The following RYR2 variants were observed in gnomAD, a reference collection of about 807,000 sequenced individuals.
RYR2 encodes ryanodine receptor 2, also known as cardiac muscle ryanodine receptor-calcium release channel.
RYR2 carries 227 observed loss-of-function variants against 601.1 expected under a neutral mutation model. The observed-to-expected ratio is 0.38, with a 90% CI of 0.34 to 0.42. RYR2 has a LOEUF of 0.42. RYR2 is among the 10% of genes least tolerant of loss of function. The probability of loss-of-function intolerance (pLI) is 1.00; values close to 1 mark genes in which losing one functional copy is unlikely to be tolerated. For missense variants in RYR2, 4,646 were observed against 6,156.5 expected, an observed-to-expected ratio of 0.75 and a Z score of 8.21; for synonymous variants, 2,223 against 2,175.1, an observed-to-expected ratio of 1.02 and a Z score of -0.61.
At chr1:237,061,295 CT>C (rs1234726339) in intron 1 of RYR2, among the ~76,000 whole-genome samples, 1,522 of 148,812 alleles carry the variant, frequency 0.01, 17 homozygotes, top group South Asian at 0.045. Flanking sequence ...ATCTATCTAT[CT>C]ATCTATCTAT....
In RYR2 at chr1:237,614,888, A is replaced by G. The variant is rs1240590868; in HGVS notation, c.5715+45A>G. The G allele has an allele frequency of 6.6e-7, 1 of 1,510,246 alleles. No individual in the cohort carries two copies. The highest frequency in any genetic ancestry group is 8.9e-7 in the Non-Finnish European group (1 of 1,128,052). The allele number at this position is 1,510,246 out of a possible 1,614,324, so 93.6% of individuals were successfully genotyped here. On this transcript the variant is annotated intron_variant, in intron 37 of 104. Coordinates refer to ENST00000366574, the MANE Select transcript of RYR2 (RefSeq NM_001035.3). The surrounding 1 kb of genome is among the most constrained non-coding windows in gnomAD (Gnocchi z 4.3). Reference sequence around the variant, plus strand: ...TGAGTGAATTTCAGAATTGCTAAGCATTAAGGTATTAGAACATGCCTTTGT... The same window carrying G: ...TGAGTGAATTTCAGAATTGCTAAGCGTTAAGGTATTAGAACATGCCTTTGT...
intron 1 of RYR2, among the ~76,000 whole-genome samples, chr1:237,174,647 G>T (rs1677810603): frequency 6.6e-6 from 1 of 152,066 alleles, no homozygotes; most frequent in Non-Finnish European, 1.5e-5. Flanking sequence ...TCTGAGATTT[G>T]CCAATCTCAT....
Position 237,423,133 on chromosome 1 carries a change from T to C in RYR2, c.890T>C (p.Leu297Pro). Residue 297 changes from leucine to proline, a missense_variant, in exon 12 of 105, where the codon CTA becomes CCA. By Grantham distance (98) the Leu-to-Pro change is moderately conservative. This residue lies in a region of RYR2 where 1,807 missense variants were observed against 2,088.1 expected (regional missense o/e 0.87). Transcript: ENST00000366574. ...SHIRWGQPFR[L>P]RHVTTGKYLS... The stretch of plus-strand genomic sequence containing the variant: ...ATAAGATGGGGACAGCCATTCCGAC[T>C]ACGCCATGTCACAACAGGAAAATAC... 1 of 1,613,920 alleles carries C rather than the reference T, an allele frequency of 6.2e-7. No individual in the cohort carries two copies. Among genetic ancestry groups the C allele is most frequent in the Non-Finnish European group, 8.5e-7 (1 of 1,179,834 alleles).
At chr1:237,806,512 A>G (rs3753634) in intron 99 of RYR2, among the ~76,000 whole-genome samples, 1 of 152,178 alleles carries the variant, frequency 6.6e-6, no homozygotes, top group African/African-American at 2.4e-5. Context: ...ATAAAAGTAC[A>G]TACCTTACCA....
chr1:237,443,029 T>C (rs1708047456), intron 13 of RYR2, among the ~76,000 whole-genome samples: 1 of 152,230 alleles, frequency 6.6e-6, no homozygotes, highest in East Asian at 1.9e-4. Context: ...TCGTGCCATT[T>C]TAGTCTGCTG....
rs530764766 is a variant in RYR2 at position 237,325,044 on chromosome 1, A to T, written c.169-5834A>T. On this transcript the variant is annotated intron_variant, in intron 2 of 104. Coordinates refer to ENST00000366574, the MANE Select transcript of RYR2 (RefSeq NM_001035.3). ...AATCATAGTTTGAGGTTAGTTCATC[A>T]AACATCGAACATTTTCTTTGTGTAA... Among the ~76,000 whole-genome samples, 20 of 152,318 alleles carry T rather than the reference A, an allele frequency of 1.3e-4. No homozygotes were observed. The East Asian group carries it at 3.3e-3, about 25-fold the overall frequency.
intron 3 of RYR2, among the ~76,000 whole-genome samples, chr1:237,353,124 T>G (rs979360138): frequency 1.3e-5 from 2 of 152,188 alleles, no homozygotes; most frequent in Admixed American, 6.5e-5. Context: ...GCCTGCCACA[T>G]GGTAACTGCT....
chr1:237,215,453 G>A lies in RYR2; in HGVS notation c.49-55044G>A, dbSNP rs532897316. On this transcript the variant is annotated intron_variant, in intron 1 of 104. Transcript: ENST00000366574. ...TGTGCTGGAACTCCTGGAATCATATGAAGTATTTTAAAAAGCATATTTGAC... is the reference window on the plus strand; with the variant it reads ...TGTGCTGGAACTCCTGGAATCATATAAAGTATTTTAAAAAGCATATTTGAC... 3.7e-3 allele frequency among the ~76,000 whole-genome samples: 562 copies of A among 152,234 alleles called. 4 individuals carry two copies. The highest frequency in any genetic ancestry group is 0.013 in the African/African-American group (529 of 41,550).
intron 24 of RYR2, among the ~76,000 whole-genome samples, chr1:237,516,712 T>C (rs1012457076): frequency 6.6e-6 from 1 of 152,234 alleles, no homozygotes; most frequent in African/African-American, 2.4e-5. Context: ...TCTTTCAACA[T>C]GCCAGGCTAT....
chr1:237,256,171 A>G (rs1466331917), intron 1 of RYR2, among the ~76,000 whole-genome samples: 4 of 152,056 alleles, frequency 2.6e-5, no homozygotes, highest in Non-Finnish European at 5.9e-5. Context: ...AAATCTGATG[A>G]TTTTATAAGG....
At chr1:237,751,991 A>T (rs911684470) in intron 80 of RYR2, among the ~76,000 whole-genome samples, 2 of 152,224 alleles carry the variant, frequency 1.3e-5, no homozygotes, top group Non-Finnish European at 2.9e-5. Flanking sequence ...AACAAAAAAG[A>T]TAACATTTGT....
chr1:237,313,430 G>A (rs58778960), intron 2 of RYR2, among the ~76,000 whole-genome samples: 7,376 of 152,202 alleles, frequency 0.048, 355 homozygotes, highest in African/African-American at 0.12. Flanking sequence ...TGCAGAAGAG[G>A]AGAAGGAGAT....
chr1:237,162,592 T>C (rs1480829180), intron 1 of RYR2, among the ~76,000 whole-genome samples: 1 of 152,146 alleles, frequency 6.6e-6, no homozygotes, highest in East Asian at 1.9e-4. Flanking sequence ...AAACATGCTT[T>C]GGGTTGTTGG....
rs2149847517 is a variant in RYR2, at chr1:237,388,112, C to T, written c.702C>T (p.Leu234=). ...AQGYLIGGDV[L]RLLHGHMDEC... Reference sequence around the variant, plus strand: ...GGTATCTCATTGGTGGTGATGTCCTCAGGTTGCTGCATGGACACATGGACG... The same window carrying T: ...GGTATCTCATTGGTGGTGATGTCCTTAGGTTGCTGCATGGACACATGGACG... Residue 234 remains leucine (L), a synonymous_variant, in exon 10 of 105, where the codon CTC becomes CTT. Coordinates refer to ENST00000366574, the MANE Select transcript of RYR2 (RefSeq NM_001035.3). 6.2e-7 allele frequency: 1 copy of T among 1,613,912 alleles called. No individual in the cohort carries two copies. Among genetic ancestry groups the T allele is most frequent in the Non-Finnish European group, 8.5e-7 (1 of 1,179,878 alleles).
chr1:237,747,452 C>T (rs960604790), intron 80 of RYR2, among the ~76,000 whole-genome samples: 1 of 152,206 alleles, frequency 6.6e-6, no homozygotes, highest in Non-Finnish European at 1.5e-5. Flanking sequence ...CTAACATACT[C>T]AAACCAATAC....
intron 23 of RYR2, among the ~76,000 whole-genome samples, chr1:237,509,463 C>G (rs1461553107): frequency 6.6e-6 from 1 of 152,156 alleles, no homozygotes; most frequent in Non-Finnish European, 1.5e-5. Context: ...ACCCAGCATG[C>G]TGGATTTTTT....
chr1:237,390,555 G>A (rs1337438111), intron 10 of RYR2, among the ~76,000 whole-genome samples: 2 of 147,220 alleles, frequency 1.4e-5, no homozygotes, highest in South Asian at 2.1e-4. Flanking sequence ...TGAAGAGGCA[G>A]CATTTAGCCA....
At chr1:237,407,478 C>A (rs1455817377) in intron 10 of RYR2, among the ~76,000 whole-genome samples, 2 of 152,090 alleles carry the variant, frequency 1.3e-5, no homozygotes, top group African/African-American at 4.8e-5. Context: ...GCCATTGTAA[C>A]ATATGAATAG....
At chr1:237,782,236 G>A (rs1383515969) in intron 89 of RYR2, among the ~76,000 whole-genome samples, 1 of 146,768 alleles carries the variant, frequency 6.8e-6, no homozygotes, top group Non-Finnish European at 1.5e-5. Context: ...AAGAGCTTGG[G>A]CTCCAAATCC....
Sources: gnomAD v4.1 joint callset for allele counts (sites outside exome capture counted in the v4.1 genomes callset) on GRCh38, gnomAD v4.1.1 for gene constraint, gnomAD v4.1.1 regional missense constraint, Gnocchi (gnomAD v3.1) non-coding constraint, MANE v1.5 for transcripts, NCBI Gene and HGNC (gene_info 2026-07-23, HGNC 2026-07-21) for gene names.